SLC35F3: variants seen among roughly 807,000 people sequenced by gnomAD.
SLC35F3 encodes the protein solute carrier family 35 member F3.
A neutral mutation model predicts 49.9 loss-of-function variants in SLC35F3; 25 were observed. That is an observed-to-expected ratio of 0.50 (90% CI 0.37 to 0.70). The LOEUF is 0.70. Among genes scored for constraint, SLC35F3 ranks in the 30% least tolerant of loss-of-function variants. The pLI is 0.00. For synonymous variants in SLC35F3, 275 were observed against 265.4 expected, an observed-to-expected ratio of 1.04 and a Z score of -0.35; for missense variants, 525 against 639.8, an observed-to-expected ratio of 0.82 and a Z score of 1.94.
chr1:234,251,205 C>A (rs1307184161), intron 3 of SLC35F3, among the ~76,000 whole-genome samples: 1 of 151,970 alleles, frequency 6.6e-6, no homozygotes, highest in Non-Finnish European at 1.5e-5. Flanking sequence ...TTTCATTGCT[C>A]AAGAGGTAAA....
At chr1:233,940,369 CAGAGAGAGAGAGAGAG>C (rs10579621) in intron 2 of SLC35F3, among the ~76,000 whole-genome samples, 22 of 146,868 alleles carry the variant, frequency 1.5e-4, no homozygotes, top group Non-Finnish European at 3.0e-5. Context: ...CACACACACA[CAGAGAGAGAGAGAGAG>C]AGAGAGAGAG....
chr1:233,985,653 A>T (rs576041595), intron 2 of SLC35F3, among the ~76,000 whole-genome samples: 3 of 152,344 alleles, frequency 2.0e-5, no homozygotes, highest in Non-Finnish European at 4.4e-5. Context: ...CATTTTCAGC[A>T]CAGCCTTTCA....
At chr1:234,220,995 G>A (rs1284486572) in intron 2 of SLC35F3, among the ~76,000 whole-genome samples, 3 of 152,156 alleles carry the variant, frequency 2.0e-5, no homozygotes, top group East Asian at 1.9e-4. Context: ...CCTGGTGACC[G>A]TGCACATTTA....
In SLC35F3 at chr1:234,273,865, C is replaced by A. The variant is rs78508334; in HGVS notation, c.609-35236C>A. On this transcript the variant is annotated intron_variant, in intron 3 of 7. Coordinates refer to ENST00000366618, the MANE Select transcript of SLC35F3 (RefSeq NM_173508.4). ...GGTGCCACAATCCAGCTCCCGGAGG[C>A]ATCCAGATGAAGCAAAAGGTAAGAC... Among the ~76,000 whole-genome samples, 411 of 152,268 alleles carry A rather than the reference C, an allele frequency of 2.7e-3. 15 individuals carry two copies. In the East Asian group the frequency reaches 0.064, roughly 24 times the overall value.
intron 2 of SLC35F3, among the ~76,000 whole-genome samples, chr1:233,970,226 A>G (rs545911394): frequency 4.6e-5 from 7 of 152,152 alleles, no homozygotes; most frequent in Admixed American, 4.6e-4. Flanking sequence ...CAGAGTTAGC[A>G]CCCGGCCACC....
intron 3 of SLC35F3, among the ~76,000 whole-genome samples, chr1:234,256,175 C>G (rs1026953923): frequency 6.6e-6 from 1 of 152,040 alleles, no homozygotes; most frequent in Non-Finnish European, 1.5e-5. Flanking sequence ...AAAAATGAAT[C>G]TAAAAATGGT....
rs1665088464 is a variant in SLC35F3, at chr1:234,094,416, A to C, written c.284-137001A>C. ...CAGATAGCAAGAGCACTATATGCTC[A>C]TGGCAATTTCCCCAGCCAGGGTCTG... On this transcript the variant is annotated intron_variant, in intron 2 of 7. Coordinates refer to ENST00000366618, the MANE Select transcript of SLC35F3 (RefSeq NM_173508.4). 3.3e-5 allele frequency among the ~76,000 whole-genome samples: 5 copies of C among 152,388 alleles called. No individual in the cohort carries two copies. In the South Asian group the frequency reaches 1.0e-3, roughly 32 times the overall value.
chr1:233,975,733 C>T (rs1663069056), intron 2 of SLC35F3, among the ~76,000 whole-genome samples: 1 of 152,186 alleles, frequency 6.6e-6, no homozygotes. Context: ...CGTCGGCCAG[C>T]ACCCAGAGTG....
intron 3 of SLC35F3, among the ~76,000 whole-genome samples, chr1:234,306,005 G>A (rs1156647348): frequency 5.9e-5 from 9 of 152,174 alleles, no homozygotes; most frequent in South Asian, 2.1e-4. Flanking sequence ...TAATGTGGGC[G>A]TCAGTCAAGA....
chr1:234,239,367 C>T lies in SLC35F3; in HGVS notation c.608+7626C>T, dbSNP rs1667519605. 1.3e-5 allele frequency among the ~76,000 whole-genome samples: 2 copies of T among 152,142 alleles called. 1 individual carries two copies. The highest frequency in any genetic ancestry group is 4.2e-4 in the South Asian group (2 of 4,818). On this transcript the variant is annotated intron_variant, in intron 3 of 7. Coordinates refer to ENST00000366618, the MANE Select transcript of SLC35F3 (RefSeq NM_173508.4). ...TGCTCAGGCACCACCCCATCCTATC[C>T]CAATGTAAGAAATGTGGAGCCATTT...
At chr1:234,041,301 T>C (rs1401010490) in intron 2 of SLC35F3, among the ~76,000 whole-genome samples, 6 of 152,160 alleles carry the variant, frequency 3.9e-5, no homozygotes, top group Admixed American at 3.9e-4. Flanking sequence ...GACTCAGGGA[T>C]CCATGATCAT....
chr1:233,926,903 A>C (rs1222650373), intron 2 of SLC35F3, among the ~76,000 whole-genome samples: 1 of 152,116 alleles, frequency 6.6e-6, no homozygotes, highest in African/African-American at 2.4e-5. Flanking sequence ...CCTCAGCTGC[A>C]GGTCTGTTGG....
intron 2 of SLC35F3, among the ~76,000 whole-genome samples, chr1:234,132,487 T>C (rs1453020951): frequency 6.6e-6 from 1 of 152,246 alleles, no homozygotes; most frequent in Non-Finnish European, 1.5e-5. Context: ...TTCCTACTAG[T>C]GCATAAGCAT....
chr1:234,287,916 T>C (rs1668448282), intron 3 of SLC35F3, among the ~76,000 whole-genome samples: 1 of 152,258 alleles, frequency 6.6e-6, no homozygotes, highest in Admixed American at 6.5e-5. Context: ...AGGTAGAGTC[T>C]TGCTTTGTCA....
intron 2 of SLC35F3, among the ~76,000 whole-genome samples, chr1:233,970,657 C>G (rs1662976935): frequency 6.6e-6 from 1 of 152,076 alleles, no homozygotes; most frequent in South Asian, 2.1e-4. Context: ...GGGTGGGCCC[C>G]AATCCAATAG....
chr1:234,272,393 G>A (rs1029252533), intron 3 of SLC35F3: 7 of 152,332 alleles, frequency 4.6e-5, no homozygotes, highest in Admixed American at 1.3e-4. Flanking sequence ...TTAAGAAGTA[G>A]CACTTCCAGA....
At chr1:234,048,663 A>C (rs1049460181) in intron 2 of SLC35F3, among the ~76,000 whole-genome samples, 1 of 152,232 alleles carries the variant, frequency 6.6e-6, no homozygotes, top group African/African-American at 2.4e-5. Flanking sequence ...AATGCCACCT[A>C]GTAGCTTGGG....
At chr1:233,972,334 T>C (rs1482531225) in intron 2 of SLC35F3, among the ~76,000 whole-genome samples, 2 of 152,234 alleles carry the variant, frequency 1.3e-5, no homozygotes, top group Non-Finnish European at 2.9e-5. Context: ...TTTTACATGA[T>C]GGCTGAAACA....
chr1:234,073,845 CTTT>C (rs1189470478), intron 2 of SLC35F3, among the ~76,000 whole-genome samples: 1 of 152,004 alleles, frequency 6.6e-6, no homozygotes, highest in Non-Finnish European at 1.5e-5. Context: ...GCTTCAGTTT[CTTT>C]TTTTATTATT....
Sources: gnomAD v4.1 joint callset for allele counts (sites outside exome capture counted in the v4.1 genomes callset) on GRCh38, gnomAD v4.1.1 for gene constraint, MANE v1.5 for transcripts, NCBI Gene and HGNC (gene_info 2026-07-23, HGNC 2026-07-21) for gene names.